RALGPS1: variants seen among roughly 807,000 people sequenced by gnomAD.
The protein encoded by RALGPS1 is ras-specific guanine nucleotide-releasing factor RalGPS1.
Under a neutral mutation model 78.8 loss-of-function variants are expected in RALGPS1, and 19 were observed. The observed-to-expected ratio is 0.24, with a 90% CI of 0.17 to 0.35. RALGPS1 has a LOEUF of 0.35. Ranked by LOEUF, RALGPS1 falls within the 10% of genes least tolerant of loss-of-function variation. The pLI, the probability that RALGPS1 is intolerant of heterozygous loss-of-function variation, is 1.00. For missense variants in RALGPS1, 454 were observed against 688.3 expected (o/e 0.66, Z 3.81); for synonymous variants, 228 against 256.3 (o/e 0.89, Z 1.06).
chr9:127,178,478 G>A, intron 11 of RALGPS1: 2 of 990,930 alleles, frequency 2.0e-6, no homozygotes, highest in South Asian at 4.6e-5. Context: ...CACGTGTTAG[G>A]TGGAACTTGA....
At chr9:127,197,413 G>A in intron 13 of RALGPS1, among the ~76,000 whole-genome samples, 1 of 151,604 alleles carries the variant, frequency 6.6e-6, no homozygotes, top group African/African-American at 2.4e-5. Context: ...TCCCTTAGCA[G>A]GGAGTCCTCC....
intron 11 of RALGPS1, chr9:127,177,824 G>T: frequency 6.5e-7 from 1 of 1,544,580 alleles, no homozygotes; most frequent in Non-Finnish European, 8.7e-7. Context: ...GCCAGCCCTG[G>T]CCCAGCCTCC....
intron 8 of RALGPS1, among the ~76,000 whole-genome samples, chr9:127,162,881 TGGGTGC>T (rs1233816258): frequency 1.1e-4 from 16 of 152,152 alleles, no homozygotes; most frequent in Non-Finnish European, 1.5e-5. Flanking sequence ...GATGGGAACA[TGGGTGC>T]AGCAGCCTGA....
intron 3 of RALGPS1, among the ~76,000 whole-genome samples, chr9:126,969,784 C>T (rs1230427704): frequency 1.3e-5 from 2 of 152,170 alleles, no homozygotes; most frequent in Admixed American, 6.5e-5. Context: ...TAGCCTCAGC[C>T]GTAGGGTATT....
intron 7 of RALGPS1, among the ~76,000 whole-genome samples, chr9:127,062,807 T>A (rs2049339691): frequency 6.6e-6 from 1 of 152,240 alleles, no homozygotes; most frequent in Non-Finnish European, 1.5e-5. Flanking sequence ...TGCGATAGTC[T>A]CCATTGCATC....
intron 18 of RALGPS1, among the ~76,000 whole-genome samples, chr9:127,215,292 T>C (rs2062512793): frequency 6.6e-6 from 1 of 152,232 alleles, no homozygotes; most frequent in Non-Finnish European, 1.5e-5. Flanking sequence ...GCAAAGCTGC[T>C]GGTGAAAGGG....
chr9:126,952,656 A>T (rs646936), intron 1 of RALGPS1, among the ~76,000 whole-genome samples: 47,735 of 135,994 alleles, frequency 0.35, 9,899 homozygotes, highest in Non-Finnish European at 0.46. Context: ...AGAGAGAGAG[A>T]GTGTGTGTGT....
intron 8 of RALGPS1, among the ~76,000 whole-genome samples, chr9:127,095,298 T>G (rs1022903467): frequency 6.6e-6 from 1 of 151,930 alleles, no homozygotes; most frequent in Non-Finnish European, 1.5e-5. Flanking sequence ...CCCGGGAGGG[T>G]GAGGCAGGAG....
At chr9:126,979,895 C>T (rs1564354525) in intron 4 of RALGPS1, among the ~76,000 whole-genome samples, 1 of 152,176 alleles carries the variant, frequency 6.6e-6, no homozygotes, top group Non-Finnish European at 1.5e-5. Flanking sequence ...AACACTCCCC[C>T]ACAGACCATT....
intron 7 of RALGPS1, among the ~76,000 whole-genome samples, chr9:127,055,947 A>G (rs1040015384): frequency 2.6e-5 from 4 of 152,206 alleles, no homozygotes; most frequent in African/African-American, 7.2e-5. Flanking sequence ...CAGAAAGAGC[A>G]GTCAGAGGAG....
intron 11 of RALGPS1, among the ~76,000 whole-genome samples, chr9:127,188,298 G>A (rs1015334373): frequency 7.2e-5 from 11 of 151,946 alleles, no homozygotes; most frequent in African/African-American, 2.7e-4. Context: ...TCCTGACCTC[G>A]TGATCCGCCC....
chr9:127,053,261 A>G (rs919003577), intron 7 of RALGPS1, among the ~76,000 whole-genome samples: 2 of 152,160 alleles, frequency 1.3e-5, no homozygotes, highest in Non-Finnish European at 2.9e-5. Context: ...TTTCTCTGGC[A>G]GGCTCCAAAC....
rs140070615 is a variant in RALGPS1 at position 127,126,807 on chromosome 9, G to A, written c.611-39262G>A. Among the ~76,000 whole-genome samples, 57 of 152,168 alleles carry A rather than the reference G, an allele frequency of 3.7e-4. 1 individual carries two copies. The East Asian group carries it at 0.011, about 29-fold the overall frequency. ...TTATAATAGCCATTTAAAAATCCTT[G>A]CCTACTAATTCCAACATCTGGCTCA... On this transcript the variant is annotated intron_variant, in intron 8 of 18. Transcript: ENST00000259351.
At chr9:127,097,445 A>G (rs1381536837) in intron 8 of RALGPS1, among the ~76,000 whole-genome samples, 3 of 152,402 alleles carry the variant, frequency 2.0e-5, no homozygotes, top group East Asian at 1.9e-4. Flanking sequence ...AAAAACACAA[A>G]TTCAAACACA....
intron 1 of RALGPS1, among the ~76,000 whole-genome samples, chr9:126,945,433 C>T (rs540741739): frequency 7.2e-5 from 11 of 152,208 alleles, no homozygotes; most frequent in East Asian, 1.9e-4. Context: ...CTCCTGACTT[C>T]GTGATTTGCC....
chr9:127,208,262 A>G lies in RALGPS1; in HGVS notation c.1248-3869A>G, dbSNP rs550814789. ...ATCTTGTGGTCATTCGGTCTCAGAC[A>G]CTGACAAATCCCAGGCAGCGTGAGT... On this transcript the variant is annotated intron_variant, in intron 14 of 18. Transcript: ENST00000259351. Among the ~76,000 whole-genome samples the G allele has an allele frequency of 5.3e-5, 8 of 152,356 alleles. No individual in the cohort carries two copies. The East Asian group carries it at 1.5e-3, about 29-fold the overall frequency.
chr9:127,019,109 C>G (rs986697501), intron 4 of RALGPS1, among the ~76,000 whole-genome samples: 3 of 152,078 alleles, frequency 2.0e-5, no homozygotes, highest in Non-Finnish European at 4.4e-5. Context: ...CCTCATAGGC[C>G]TTTCGCAACC....
At chr9:127,171,340 A>G (rs960084885) in intron 10 of RALGPS1, among the ~76,000 whole-genome samples, 4 of 151,410 alleles carry the variant, frequency 2.6e-5, no homozygotes, top group African/African-American at 9.7e-5. Context: ...TTAAAATACT[A>G]ACTTTAATTT....
intron 6 of RALGPS1, among the ~76,000 whole-genome samples, chr9:127,050,955 A>T (rs2048258947): frequency 1.3e-5 from 2 of 152,076 alleles, no homozygotes; most frequent in Admixed American, 6.5e-5. Flanking sequence ...TGCTCACATG[A>T]TTATTATTCC....
Sources: allele counts gnomAD v4.1 joint callset (sites outside exome capture counted in the v4.1 genomes callset), GRCh38; gene constraint gnomAD v4.1.1; transcripts MANE v1.5; gene names NCBI Gene and HGNC (gene_info 2026-07-23, HGNC 2026-07-21).